Variants in STARD13 observed in about 807,000 individuals in gnomAD.
The protein encoded by STARD13 is stAR-related lipid transfer protein 13.
STARD13 carries 62 observed loss-of-function variants against 106.4 expected under a neutral mutation model. The ratio of observed to expected loss-of-function variants is 0.58; its 90% confidence interval spans 0.48 to 0.72. The LOEUF (loss-of-function observed/expected upper bound fraction) is 0.72. Among genes scored for constraint, STARD13 ranks in the 30% least tolerant of loss-of-function variants. STARD13 has a pLI of 0.00. For missense variants in STARD13, 1,387 were observed against 1,424.0 expected (o/e 0.97, Z 0.42); for synonymous variants, 565 against 553.0 (o/e 1.02, Z -0.31).
chr13:33,233,247 C>G (rs1387731160), intron 1 of STARD13, among the ~76,000 whole-genome samples: 10 of 152,174 alleles, frequency 6.6e-5, no homozygotes, highest in Non-Finnish European at 1.0e-4. Flanking sequence ...TGATGGATCC[C>G]CACCCTTCAT....
At chr13:33,493,041 A>T in the STARD13 span, among the ~76,000 whole-genome samples, 2 of 152,138 alleles carry the variant, frequency 1.3e-5, no homozygotes, top group Admixed American at 1.3e-4. Flanking sequence ...TACTGCATAG[A>T]TTTTCTGAAG....
At chr13:33,154,949 C>T (rs1187293959) in intron 3 of STARD13, among the ~76,000 whole-genome samples, 1 of 151,894 alleles carries the variant, frequency 6.6e-6, no homozygotes, top group Non-Finnish European at 1.5e-5. Flanking sequence ...GGGCTTCTTT[C>T]CTTGGGGCTT....
intron 1 of STARD13, 36 bp from the exon 2 acceptor site, chr13:33,167,658 A>C (rs750973891): frequency 1.3e-5 from 21 of 1,585,876 alleles, no homozygotes; most frequent in Middle Eastern, 1.7e-4. Context: ...TGTGAGTCCC[A>C]CAGCCGCACC....
In STARD13 at chr13:33,105,727, C is replaced by A. The variant is rs145400500; in HGVS notation, c.3225-17G>T. 1.3e-5 allele frequency: 20 copies of A among 1,595,462 alleles called. No homozygotes were observed. The Admixed American group carries it at 3.3e-4, about 27-fold the overall frequency. ...GAGTGACCTCTGTGGGGAAAGAAAT[C>A]AGAAAGGAAGTGGGAAAGTTTGTTT... On this transcript the variant is annotated splice_polypyrimidine_tract_variant and intron_variant, in intron 13 of 13. Coordinates refer to ENST00000336934, the MANE Select transcript of STARD13 (RefSeq NM_178006.4).
intron 3 of STARD13, among the ~76,000 whole-genome samples, chr13:33,145,829 C>T (rs889446839): frequency 6.6e-6 from 1 of 152,138 alleles, no homozygotes; most frequent in Admixed American, 6.5e-5. Flanking sequence ...ACTGTAGTGA[C>T]AGGAAACAGA....
At chr13:33,407,593 T>C in the STARD13 span, among the ~76,000 whole-genome samples, 1 of 152,258 alleles carries the variant, frequency 6.6e-6, no homozygotes, top group Non-Finnish European at 1.5e-5. Context: ...TTATGGGTTT[T>C]TTTGTCACAG....
chr13:33,619,540 T>C, the STARD13 span, among the ~76,000 whole-genome samples: 4 of 152,328 alleles, frequency 2.6e-5, no homozygotes, highest in Non-Finnish European at 5.9e-5. Context: ...GACTACATTA[T>C]TGTAATTCTT....
At chr13:33,545,631 G>A in the STARD13 span, among the ~76,000 whole-genome samples, 4 of 152,346 alleles carry the variant, frequency 2.6e-5, no homozygotes, top group African/African-American at 9.6e-5. Context: ...AGACATGGGG[G>A]TGGATCCCTG....
At chr13:33,223,803 T>C (rs1888479887) in intron 1 of STARD13, among the ~76,000 whole-genome samples, 1 of 152,136 alleles carries the variant, frequency 6.6e-6, no homozygotes, top group South Asian at 2.1e-4. Context: ...AGTTTGTACA[T>C]TTATAAAATG....
At position 33,168,956 on chromosome 13, in the gene STARD13, T is replaced by C. The variant is rs566398309; in HGVS notation, c.170-1334A>G. Among the ~76,000 whole-genome samples the C allele has an allele frequency of 3.3e-5, 5 of 152,330 alleles. No homozygotes were observed. In the South Asian group the frequency reaches 1.0e-3, roughly 32 times the overall value. ...TCATTAAATCCAAGGAAACAGAGCC[T>C]GTGGTGGCTCCTGCCCCGGAACGCC... On this transcript the variant is annotated intron_variant, in intron 1 of 13. Transcript: ENST00000336934.
At chr13:33,600,476 G>A in the STARD13 span, among the ~76,000 whole-genome samples, 3 of 152,164 alleles carry the variant, frequency 2.0e-5, no homozygotes, top group African/African-American at 7.2e-5. Context: ...GCATAAACAT[G>A]CATATCTGTC....
At chr13:33,337,728 A>G (rs1047442536) in intron 1 of STARD13, among the ~76,000 whole-genome samples, 1 of 152,226 alleles carries the variant, frequency 6.6e-6, no homozygotes, top group Admixed American at 6.5e-5. Flanking sequence ...TCTTACGTAT[A>G]TAACACCAAG....
chr13:33,511,872 C>A, the STARD13 span, among the ~76,000 whole-genome samples: 1 of 152,040 alleles, frequency 6.6e-6, no homozygotes, highest in Non-Finnish European at 1.5e-5. Flanking sequence ...ATACACTAGC[C>A]CCATGTAATA....
At chr13:33,423,162 C>A in the STARD13 span, among the ~76,000 whole-genome samples, 1 of 152,156 alleles carries the variant, frequency 6.6e-6, no homozygotes, top group Non-Finnish European at 1.5e-5. Context: ...AGGCAACCTA[C>A]AGAATGGGAG....
the STARD13 span, among the ~76,000 whole-genome samples, chr13:33,565,040 C>A: frequency 6.9e-6 from 1 of 145,360 alleles, no homozygotes; most frequent in African/African-American, 2.5e-5. Context: ...ATTTTCAGCA[C>A]CATGGCTGGA....
rs142501208 is a variant in STARD13 at position 33,332,943 on chromosome 13, C to A, written c.124+17347G>T. On this transcript the variant is annotated intron_variant, in intron 1 of 5. Transcript: ENST00000567873. ...ATTAAGTGAATGAGAACCTTGCAAT[C>A]TTCGTAAAAATAAAATCATATAATT... 7.0e-3 allele frequency among the ~76,000 whole-genome samples: 1,065 copies of A among 152,068 alleles called. 39 individuals are homozygous for A. Among genetic ancestry groups the A allele is most frequent in the Admixed American group, 0.057 (872 of 15,272 alleles).
chr13:33,443,154 G>A, the STARD13 span, among the ~76,000 whole-genome samples: 4 of 152,052 alleles, frequency 2.6e-5, no homozygotes, highest in South Asian at 2.1e-4. Flanking sequence ...CGAGGCGGGC[G>A]GATCACAAGG....
the STARD13 span, among the ~76,000 whole-genome samples, chr13:33,412,980 T>C: frequency 6.6e-6 from 1 of 152,204 alleles, no homozygotes; most frequent in Non-Finnish European, 1.5e-5. Flanking sequence ...TATAGAACAC[T>C]TCACTCAACC....
chr13:33,624,645 C>CTT, the STARD13 span, among the ~76,000 whole-genome samples: 3 of 152,318 alleles, frequency 2.0e-5, no homozygotes, highest in East Asian at 5.8e-4. Flanking sequence ...CTTTTATTTC[C>CTT]TTTGAGCCTC....
Sources: allele counts gnomAD v4.1 joint callset (sites outside exome capture counted in the v4.1 genomes callset), GRCh38; gene constraint gnomAD v4.1.1; transcripts MANE v1.5; gene names NCBI Gene and HGNC (gene_info 2026-07-23, HGNC 2026-07-21).